Variants in ARHGEF26 observed in about 807,000 individuals in gnomAD.
ARHGEF26 encodes the protein Rho guanine nucleotide exchange factor (GEF) 26.
A neutral mutation model predicts 89.4 loss-of-function variants in ARHGEF26; 59 were observed. The ratio of observed to expected loss-of-function variants is 0.66; its 90% CI spans 0.54 to 0.82. The LOEUF is 0.82. ARHGEF26 is among the 40% of genes least tolerant of loss of function. The pLI is 0.00. For synonymous variants in ARHGEF26, 500 were observed against 428.4 expected (o/e 1.17, Z -2.06); for missense variants, 1,234 against 1,085.6 (o/e 1.14, Z -1.92).
intron 10 of ARHGEF26, among the ~76,000 whole-genome samples, chr3:154,218,878 G>A (rs1400329029): frequency 1.3e-5 from 2 of 152,218 alleles, no homozygotes; most frequent in Non-Finnish European, 2.9e-5. Flanking sequence ...TGTCAGCAGA[G>A]TCACTTGGCT....
chr3:154,254,167 G>A (rs1036488346), intron 13 of ARHGEF26, among the ~76,000 whole-genome samples: 4 of 152,062 alleles, frequency 2.6e-5, no homozygotes, highest in African/African-American at 7.2e-5. Context: ...CGCCTGCCTC[G>A]GCCTCCCAAA....
Position 154,256,624 on chromosome 3 carries a change from C to A in ARHGEF26, c.*1151C>A. The A allele has an allele frequency of 9.5e-7, 1 of 1,052,758 alleles. No homozygotes were observed. 65.2% of individuals were successfully genotyped at this position (1,052,758 alleles called of 1,614,324 possible). ...AACTGACGTGAGGCTGCTTTGCCTT[C>A]AATAATACCTAGTTTTCAGCTGTTC... On this transcript the variant is annotated 3_prime_UTR_variant, in exon 15 of 15. Coordinates refer to ENST00000465093, the MANE Select transcript of ARHGEF26 (RefSeq NM_015595.4).
intron 10 of ARHGEF26, among the ~76,000 whole-genome samples, chr3:154,221,134 T>A (rs1400640011): frequency 6.8e-6 from 1 of 146,840 alleles, no homozygotes; most frequent in Admixed American, 6.8e-5. Context: ...CATAAATTCC[T>A]GTTGTGTAAA....
chr3:154,191,561 T>G, intron 8 of ARHGEF26, 143 bp downstream of exon 8: 1 of 1,000,764 alleles, frequency 1.0e-6, no homozygotes, highest in Non-Finnish European at 1.4e-6. Flanking sequence ...TGTTGTTTGT[T>G]CAGAAAGTCT....
intron 9 of ARHGEF26, among the ~76,000 whole-genome samples, chr3:154,213,193 G>A (rs952787869): frequency 4.4e-5 from 6 of 135,708 alleles, no homozygotes; most frequent in Admixed American, 4.0e-4. Context: ...ATTTCTTTAC[G>A]AGTAACATAG....
intron 11 of ARHGEF26, among the ~76,000 whole-genome samples, chr3:154,238,360 C>T (rs1054117140): frequency 1.3e-5 from 2 of 152,146 alleles, no homozygotes; most frequent in Non-Finnish European, 2.9e-5. Flanking sequence ...ATCCTAGGAA[C>T]AATTAGGCTT....
In ARHGEF26 at chr3:154,239,287, AGAGAGAGAGAGAGTGTGTGT is replaced by A. The variant is rs1186539753; in HGVS notation, c.2091-1081_2091-1062del. Among the ~76,000 whole-genome samples, 856 of 104,122 alleles carry A rather than the reference AGAGAGAGAGAGAGTGTGTGT, an allele frequency of 8.2e-3. 2 individuals are homozygous for A. Among genetic ancestry groups the A allele is most frequent in the Non-Finnish European group, 0.013 (683 of 50,980 alleles). 68.3% of individuals were successfully genotyped at this position (104,122 alleles called of 152,430 possible). On this transcript the variant is annotated intron_variant, in intron 11 of 14. Transcript: ENST00000465093. ...GAGAGAGAGAGAGAGAGAGAGAGAG[AGAGAGAGAGAGAGTGTGTGT>A]GTGTGTGTGTGTGTGTGTGTGTGTG...
intron 9 of ARHGEF26, among the ~76,000 whole-genome samples, chr3:154,202,338 G>T (rs1414777072): frequency 6.6e-6 from 1 of 151,998 alleles, no homozygotes; most frequent in Non-Finnish European, 1.5e-5. Flanking sequence ...TATTTCTGAG[G>T]GCTCTGTTCT....
chr3:154,180,962 G>A (rs1287110591), intron 6 of ARHGEF26, among the ~76,000 whole-genome samples: 1 of 152,128 alleles, frequency 6.6e-6, no homozygotes, highest in African/African-American at 2.4e-5. Context: ...TGATTTTGAT[G>A]TATTGTTAAT....
At position 154,164,367 on chromosome 3, in the gene ARHGEF26, C is replaced by T. The variant is rs141972091; in HGVS notation, c.1487+11435C>T. ...AGGATGTGGATTAAATCATGTAAGC[C>T]TTGTTTTTTAATTTTAAAAATATAT... On this transcript the variant is annotated intron_variant, in intron 6 of 14. Coordinates refer to ENST00000465093, the MANE Select transcript of ARHGEF26 (RefSeq NM_015595.4). Among the ~76,000 whole-genome samples, 49 of 151,876 alleles carry T rather than the reference C, an allele frequency of 3.2e-4. 6 individuals are homozygous for T. The highest frequency in any genetic ancestry group is 2.2e-3 in the Admixed American group (33 of 15,264).
At chr3:154,123,348 A>G (rs1718117333) in intron 2 of ARHGEF26, among the ~76,000 whole-genome samples, 2 of 152,156 alleles carry the variant, frequency 1.3e-5, no homozygotes, top group African/African-American at 4.8e-5. Flanking sequence ...GAAATATGGC[A>G]GATTATTGGC....
chr3:154,130,842 T>G (rs1028703744), intron 4 of ARHGEF26, among the ~76,000 whole-genome samples: 1 of 152,192 alleles, frequency 6.6e-6, no homozygotes, highest in Admixed American at 6.5e-5. Context: ...TCAGGAATCT[T>G]GTGTATTTAG....
rs1715877548 is a variant in ARHGEF26, at chr3:154,217,905, G to A, written c.1882G>A (p.Glu628Lys). Residue 628 changes from glutamate (E) to lysine (K), a missense_variant, in exon 10 of 15, where the codon GAA becomes AAA. By Grantham distance (56) the Glu-to-Lys change is moderately conservative (BLOSUM62 1). Coordinates refer to ENST00000465093, the MANE Select transcript of ARHGEF26 (RefSeq NM_015595.4). ...RLCNEGARKM[E>K]RTEMMYTINS... The stretch of plus-strand genomic sequence containing the variant: ...ATGCAATGAGGGCGCCCGGAAGATG[G>A]AAAGGACTGAGATGATGTACACAAT... 1 of 1,603,038 alleles carries A rather than the reference G, an allele frequency of 6.2e-7. No homozygotes were observed. Among genetic ancestry groups the A allele is most frequent in the Non-Finnish European group, 8.5e-7 (1 of 1,174,568 alleles).
chr3:154,252,664 A>C (rs1214177194), intron 12 of ARHGEF26, among the ~76,000 whole-genome samples: 1 of 152,232 alleles, frequency 6.6e-6, no homozygotes, highest in Non-Finnish European at 1.5e-5. Flanking sequence ...AGACAACTAA[A>C]TATGTCAAGT....
intron 4 of ARHGEF26, among the ~76,000 whole-genome samples, chr3:154,146,120 A>G (rs1719691330): frequency 6.6e-6 from 1 of 152,234 alleles, no homozygotes; most frequent in Admixed American, 6.5e-5. Flanking sequence ...TTCTCACAGT[A>G]TTGGAGGCGG....
chr3:154,207,815 T>C (rs1469238509), intron 9 of ARHGEF26, among the ~76,000 whole-genome samples: 2 of 152,206 alleles, frequency 1.3e-5, no homozygotes, highest in African/African-American at 4.8e-5. Context: ...ATTGCAGCAC[T>C]ACTTACAATA....
At chr3:154,154,760 T>C (rs1461737853) in intron 6 of ARHGEF26, among the ~76,000 whole-genome samples, 2 of 152,088 alleles carry the variant, frequency 1.3e-5, no homozygotes, top group Non-Finnish European at 2.9e-5. Flanking sequence ...GGAGATGTTT[T>C]ACTCCTTTCT....
At chr3:154,238,759 G>T (rs1717274304) in intron 11 of ARHGEF26, among the ~76,000 whole-genome samples, 1 of 152,166 alleles carries the variant, frequency 6.6e-6, no homozygotes, top group South Asian at 2.1e-4. Flanking sequence ...AAGGGTGCAG[G>T]TGCAGAGTAG....
intron 4 of ARHGEF26, among the ~76,000 whole-genome samples, chr3:154,136,559 T>C (rs1719020524): frequency 6.6e-6 from 1 of 152,188 alleles, no homozygotes; most frequent in Non-Finnish European, 1.5e-5. Flanking sequence ...TCTTAGTAGT[T>C]TGAGGTGATG....
Sources: allele counts gnomAD v4.1 joint callset (sites outside exome capture counted in the v4.1 genomes callset), GRCh38; gene constraint gnomAD v4.1.1; transcripts MANE v1.5; gene names NCBI Gene and HGNC (gene_info 2026-07-23, HGNC 2026-07-21).